Variants in SLC24A2 observed in about 807,000 individuals in gnomAD.
The protein encoded by SLC24A2 is sodium/potassium/calcium exchanger 2.
In SLC24A2, 36 loss-of-function variants were observed where a neutral mutation model predicts 62.0. The ratio of observed to expected loss-of-function variants is 0.58; its 90% CI spans 0.44 to 0.77. SLC24A2 has a LOEUF of 0.77. Ranked by LOEUF, SLC24A2 falls within the 30% of genes least tolerant of loss-of-function variation. SLC24A2 has a pLI of 0.00. For synonymous variants in SLC24A2, 358 were observed against 294.0 expected (o/e 1.22, Z -2.23); for missense variants, 846 against 817.9 (o/e 1.03, Z -0.42).
chr9:20,231,859 T>C, the SLC24A2 span, among the ~76,000 whole-genome samples: 6 of 152,188 alleles, frequency 3.9e-5, no homozygotes, highest in African/African-American at 1.2e-4. Context: ...CAGTATGATA[T>C]TGGCTGTGGG....
chr9:19,706,978 G>T (rs1205679998), intron 2 of SLC24A2, among the ~76,000 whole-genome samples: 2 of 151,702 alleles, frequency 1.3e-5, no homozygotes, highest in African/African-American at 4.9e-5. Flanking sequence ...CTGGTTTTTT[G>T]AAAGGATCAA....
chr9:20,283,019 C>T, the SLC24A2 span, among the ~76,000 whole-genome samples: 2 of 152,118 alleles, frequency 1.3e-5, no homozygotes, highest in African/African-American at 2.4e-5. Flanking sequence ...TGGTCAAATC[C>T]TCCTCTTCCC....
At chr9:19,833,597 GCCCACC>G in the SLC24A2 span, among the ~76,000 whole-genome samples, 39 of 152,354 alleles carry the variant, frequency 2.6e-4, no homozygotes, top group African/African-American at 8.9e-4. Flanking sequence ...ACTGGGTGGA[GCCCACC>G]ACAGCTCAAG....
At chr9:20,134,444 G>C in the SLC24A2 span, among the ~76,000 whole-genome samples, 2 of 152,134 alleles carry the variant, frequency 1.3e-5, no homozygotes, top group Non-Finnish European at 2.9e-5. Flanking sequence ...AGGGCAACTG[G>C]AGTCTGAAGG....
the SLC24A2 span, among the ~76,000 whole-genome samples, chr9:19,974,373 G>C: frequency 6.6e-6 from 1 of 152,122 alleles, no homozygotes; most frequent in Non-Finnish European, 1.5e-5. Context: ...TTTAAGGTCT[G>C]TACTCCAAGC....
chr9:20,169,655 C>T, the SLC24A2 span, among the ~76,000 whole-genome samples: 1 of 152,036 alleles, frequency 6.6e-6, no homozygotes, highest in South Asian at 2.1e-4. Flanking sequence ...CAAGGGAACA[C>T]CCCATGAAAC....
At chr9:20,286,192 C>T in the SLC24A2 span, among the ~76,000 whole-genome samples, 1 of 152,204 alleles carries the variant, frequency 6.6e-6, no homozygotes, top group African/African-American at 2.4e-5. Context: ...ATCTTTGTAT[C>T]AGTTAGGAAT....
intron 7 of SLC24A2, among the ~76,000 whole-genome samples, chr9:19,553,929 G>C (rs1834961405): frequency 6.6e-6 from 1 of 152,160 alleles, no homozygotes; most frequent in African/African-American, 2.4e-5. Flanking sequence ...ACTGAATTGT[G>C]TTCCCTCCAA....
the SLC24A2 span, among the ~76,000 whole-genome samples, chr9:20,246,123 C>G: frequency 1.3e-5 from 2 of 151,958 alleles, no homozygotes; most frequent in East Asian, 3.9e-4. Context: ...GTAGAGATTT[C>G]TAATAAATAG....
the SLC24A2 span, among the ~76,000 whole-genome samples, chr9:20,004,545 T>C: frequency 2.0e-5 from 3 of 152,232 alleles, no homozygotes; most frequent in African/African-American, 4.8e-5. Flanking sequence ...AAGACTCTCA[T>C]TTTGTTTTAT....
chr9:19,521,342 G>C (rs930944952), intron 9 of SLC24A2, among the ~76,000 whole-genome samples: 1 of 152,312 alleles, frequency 6.6e-6, no homozygotes, highest in African/African-American at 2.4e-5. Context: ...TGCTTTCTAA[G>C]ATTGAGTCAG....
At chr9:19,610,097 A>C (rs1837109213) in intron 4 of SLC24A2, among the ~76,000 whole-genome samples, 2 of 152,156 alleles carry the variant, frequency 1.3e-5, no homozygotes, top group Admixed American at 1.3e-4. Flanking sequence ...GGTGAGAATT[A>C]TTCCTACTCC....
chr9:20,304,461 TTC>T, the SLC24A2 span, among the ~76,000 whole-genome samples: 5 of 152,174 alleles, frequency 3.3e-5, no homozygotes, highest in Admixed American at 3.3e-4. Flanking sequence ...AGAGATAATT[TTC>T]TGTTTAAAAA....
At chr9:20,087,029 A>G in the SLC24A2 span, among the ~76,000 whole-genome samples, 2 of 152,208 alleles carry the variant, frequency 1.3e-5, no homozygotes, top group African/African-American at 4.8e-5. Context: ...GGTGGCTGTG[A>G]AGATTATATT....
chr9:19,518,541 C>G (rs1032883763), intron 10 of SLC24A2, among the ~76,000 whole-genome samples: 2 of 151,786 alleles, frequency 1.3e-5, no homozygotes, highest in African/African-American at 4.8e-5. Context: ...CCTGCCTCAG[C>G]TTCCCGAGTA....
the SLC24A2 span, among the ~76,000 whole-genome samples, chr9:20,019,253 G>GAA: frequency 8.0e-4 from 88 of 109,734 alleles, no homozygotes; most frequent in East Asian, 5.4e-3. Context: ...AAGAAGGAAA[G>GAA]AGAAAGAAAG....
intron 8 of SLC24A2, among the ~76,000 whole-genome samples, chr9:19,531,955 G>C (rs1448444270): frequency 6.6e-6 from 1 of 152,106 alleles, no homozygotes; most frequent in African/African-American, 2.4e-5. Flanking sequence ...AGACAATATA[G>C]TCATGCCCTT....
chr9:19,870,326 C>A, the SLC24A2 span, among the ~76,000 whole-genome samples: 2 of 152,150 alleles, frequency 1.3e-5, no homozygotes, highest in Non-Finnish European at 2.9e-5. Flanking sequence ...CAATGCTCAT[C>A]CATGTTATAG....
At chr9:19,764,844 G>A (rs950306025) in intron 2 of SLC24A2, among the ~76,000 whole-genome samples, 2 of 152,142 alleles carry the variant, frequency 1.3e-5, no homozygotes, top group African/African-American at 2.4e-5. Flanking sequence ...ATCAAGTCCT[G>A]AATATCTCTG....
Sources: gnomAD v4.1 joint callset for allele counts (sites outside exome capture counted in the v4.1 genomes callset) on GRCh38, gnomAD v4.1.1 for gene constraint, MANE v1.5 for transcripts, NCBI Gene and HGNC (gene_info 2026-07-23, HGNC 2026-07-21) for gene names.